Variants in TMEM132C observed in about 807,000 individuals in gnomAD.
TMEM132C encodes transmembrane protein 132C, also known as protein phosphatase 1, regulatory subunit 152.
TMEM132C carries 29 observed loss-of-function variants against 61.4 expected under a neutral mutation model. The observed-to-expected ratio is 0.47, with a 90% confidence interval of 0.35 to 0.64. The LOEUF (loss-of-function observed/expected upper bound fraction) is 0.64, where lower values mean the gene tolerates loss of function less well. Ranked by LOEUF, TMEM132C falls within the 30% of genes least tolerant of loss-of-function variation. The pLI, the probability that TMEM132C is intolerant of heterozygous loss-of-function variation, is 0.00. For synonymous variants in TMEM132C, 656 were observed against 633.1 expected, an observed-to-expected ratio of 1.04 and a Z score of -0.54; for missense variants, 1,408 against 1,476.9, an observed-to-expected ratio of 0.95 and a Z score of 0.76.
chr12:128,706,286 TA>T lies in TMEM132C; in HGVS notation c.3320del (p.Lys1107ArgfsTer6), dbSNP rs1245388495. ...GAAACTATCTGGAGAAACTCAAAGA[TA>T]AGGCTTAGGCCCCTCTAGCCAAAGG... ...LRNYLEKLKDKA is the reference protein window; with the variant it reads ...LRNYLEKLKDXA On this transcript the variant is annotated frameshift_variant, in exon 9 of 9. Transcript: ENST00000435159. LOFTEE classifies it high-confidence loss of function. The T allele has an allele frequency of 6.5e-7, 1 of 1,539,558 alleles. No individual in the cohort carries two copies. The highest frequency in any genetic ancestry group is 8.8e-7 in the Non-Finnish European group (1 of 1,140,544).
At chr12:128,654,860 G>T (rs770972399) in intron 4 of TMEM132C, among the ~76,000 whole-genome samples, 2 of 152,196 alleles carry the variant, frequency 1.3e-5, no homozygotes, top group Non-Finnish European at 2.9e-5. Context: ...GGATGGGCCT[G>T]CCGGTGTATT....
At chr12:128,585,018 C>T (rs1875488218) in intron 3 of TMEM132C, among the ~76,000 whole-genome samples, 1 of 152,180 alleles carries the variant, frequency 6.6e-6, no homozygotes, top group Non-Finnish European at 1.5e-5. Context: ...TCCAGGGTAA[C>T]AGTTAGGAAA....
rs1222955102 is a variant in TMEM132C at position 128,706,938 on chromosome 12, A to G, written c.*643A>G. ...CATTTATATTTAATGTTTATTTCTG[A>G]GAATCAAGCAGTATATTTTTCCTAA... On this transcript the variant is annotated 3_prime_UTR_variant, in exon 9 of 9. Transcript: ENST00000435159. The G allele has an allele frequency of 1.3e-5, 2 of 152,232 alleles. No homozygotes were observed. The highest frequency in any genetic ancestry group is 2.9e-5 in the Non-Finnish European group (2 of 68,042). The allele number at this position is 152,232 out of a possible 1,614,324, so 9.4% of individuals were successfully genotyped here. A position where few individuals can be genotyped will look rare whatever the true frequency, so the allele number is the denominator to read the frequency against.
chr12:128,504,968 T>TTTACTTACTACTTTATGTAGTAAGTAAGA (rs1872308368), intron 2 of TMEM132C, among the ~76,000 whole-genome samples: 4 of 150,546 alleles, frequency 2.7e-5, no homozygotes, highest in Non-Finnish European at 5.9e-5. Flanking sequence ...TTTTGGGGAC[T>TTTACTTACTACTTTATGTAGTAAGTAAGA]TTACTTACTA....
At chr12:128,406,669 T>G (rs1020348711) in intron 1 of TMEM132C, among the ~76,000 whole-genome samples, 3 of 152,124 alleles carry the variant, frequency 2.0e-5, no homozygotes, top group African/African-American at 7.2e-5. Flanking sequence ...ACTTCGATAA[T>G]AAATTTAAAA....
rs185514276 is a variant in TMEM132C, at chr12:128,327,301, C to T, written c.85+59814C>T. ...GAGCCAAACATGAGTGACCATGGCC[C>T]GAGACACAGCCCACAGGAGATCCTG... is the stretch of plus-strand genomic sequence containing the variant. On this transcript the variant is annotated intron_variant, in intron 1 of 8. Coordinates refer to ENST00000435159, the MANE Select transcript of TMEM132C (RefSeq NM_001136103.3). Among the ~76,000 whole-genome samples, 180 of 150,296 alleles carry T rather than the reference C, an allele frequency of 1.2e-3. 18 individuals are homozygous for T. Among genetic ancestry groups the T allele is most frequent in the African/African-American group, 3.2e-3 (128 of 39,600 alleles).
chr12:128,623,791 G>A (rs949044078), intron 4 of TMEM132C, among the ~76,000 whole-genome samples: 4 of 151,750 alleles, frequency 2.6e-5, no homozygotes, highest in African/African-American at 9.7e-5. Context: ...CTTGGCGACA[G>A]AGCAAGATTC....
At chr12:128,640,932 G>A (rs928286625) in intron 4 of TMEM132C, among the ~76,000 whole-genome samples, 3 of 152,104 alleles carry the variant, frequency 2.0e-5, no homozygotes, top group African/African-American at 7.2e-5. Flanking sequence ...TATAGTATGT[G>A]CGTTGTATCT....
chr12:128,576,815 T>A (rs973896724), intron 3 of TMEM132C, among the ~76,000 whole-genome samples: 1 of 152,210 alleles, frequency 6.6e-6, no homozygotes, highest in African/African-American at 2.4e-5. Context: ...ATGATGATGA[T>A]GTTGGAAAAT....
rs192445848 is a variant in TMEM132C, at chr12:128,323,807, G to A, written c.85+56320G>A. Among the ~76,000 whole-genome samples, 165 of 152,272 alleles carry A rather than the reference G, an allele frequency of 1.1e-3. 1 individual carries two copies. The highest frequency in any genetic ancestry group is 3.5e-3 in the Admixed American group (54 of 15,298). ...CTGCGCTCAGGCTGGAGTCTTTGAG[G>A]GGACGCTTGGGTACCTGTGTGCAGC... is the stretch of plus-strand genomic sequence containing the variant. On this transcript the variant is annotated intron_variant, in intron 1 of 8. Transcript: ENST00000435159.
In TMEM132C at chr12:128,392,064, T is replaced by TCTC. The variant is rs1555222005; in HGVS notation, c.86-22668_86-22667insCTC. On this transcript the variant is annotated intron_variant, in intron 1 of 8. Coordinates refer to ENST00000435159, the MANE Select transcript of TMEM132C (RefSeq NM_001136103.3). ...TCTCTCTGTCTCTGTCTCTCTCTCT[T>TCTC]TCTCTCTCTCTCTCTCTCTCTCTCT... 4.8e-3 allele frequency among the ~76,000 whole-genome samples: 621 copies of TCTC among 130,520 alleles called. 13 individuals are homozygous for TCTC. The highest frequency in any genetic ancestry group is 0.018 in the African/African-American group (556 of 30,594). 85.6% of individuals were successfully genotyped at this position (130,520 alleles called of 152,430 possible).
chr12:128,396,937 T>C (rs1260195699), intron 1 of TMEM132C, among the ~76,000 whole-genome samples: 2 of 152,204 alleles, frequency 1.3e-5, no homozygotes, highest in African/African-American at 4.8e-5. Flanking sequence ...GGCGCAAAGC[T>C]GCAGTGGACA....
chr12:128,480,352 G>A (rs967537644), intron 2 of TMEM132C, among the ~76,000 whole-genome samples: 18 of 152,294 alleles, frequency 1.2e-4, no homozygotes, highest in South Asian at 4.1e-4. Context: ...GACCTTCTTC[G>A]TGGAATCTAA....
chr12:128,701,712 G>T (rs1320852642), intron 8 of TMEM132C, among the ~76,000 whole-genome samples: 2 of 152,040 alleles, frequency 1.3e-5, no homozygotes, highest in Non-Finnish European at 2.9e-5. Context: ...TGATATGCCT[G>T]TGGTTCTATT....
At chr12:128,514,330 C>A in intron 2 of TMEM132C, among the ~76,000 whole-genome samples, 2 of 152,316 alleles carry the variant, frequency 1.3e-5, no homozygotes, top group Middle Eastern at 3.4e-3. Context: ...CTTCCCGATA[C>A]GGTCTCCTTC....
At chr12:128,657,193 C>A (rs1398041076) in intron 4 of TMEM132C, among the ~76,000 whole-genome samples, 1 of 152,216 alleles carries the variant, frequency 6.6e-6, no homozygotes, top group Non-Finnish European at 1.5e-5. Flanking sequence ...AACTCCCTCA[C>A]CTCTCTGGAA....
chr12:128,294,664 G>A (rs56182500), intron 1 of TMEM132C, among the ~76,000 whole-genome samples: 23,329 of 144,690 alleles, frequency 0.16, 2,111 homozygotes, highest in East Asian at 0.27. Context: ...GGTGAGAGCC[G>A]GCTTCCTGGT....
At chr12:128,575,709 G>A (rs1875067432) in intron 3 of TMEM132C, among the ~76,000 whole-genome samples, 1 of 152,182 alleles carries the variant, frequency 6.6e-6, no homozygotes, top group Admixed American at 6.5e-5. Context: ...CTATTGACAA[G>A]AATTGTTTCC....
chr12:128,411,387 A>T (rs943321361), intron 1 of TMEM132C, among the ~76,000 whole-genome samples: 1 of 152,188 alleles, frequency 6.6e-6, no homozygotes, highest in Non-Finnish European at 1.5e-5. Flanking sequence ...ATAAGGAAAA[A>T]CTGTCGCTTC....
Sources: allele counts gnomAD v4.1 joint callset (sites outside exome capture counted in the v4.1 genomes callset), GRCh38; gene constraint gnomAD v4.1.1; transcripts MANE v1.5; gene names NCBI Gene and HGNC (gene_info 2026-07-23, HGNC 2026-07-21).